The following RHCE variants were observed in gnomAD, a reference collection of about 807,000 sequenced individuals.
RHCE encodes Rh blood group CcEe antigens.
A neutral mutation model predicts 43.8 loss-of-function variants in RHCE; 22 were observed. The observed-to-expected ratio is 0.50, with a 90% CI of 0.36 to 0.72. RHCE has a LOEUF of 0.72. Among genes scored for constraint, RHCE ranks in the 30% least tolerant of loss-of-function variants. The probability of loss-of-function intolerance (pLI) is 0.00; values close to 1 mark genes in which losing one functional copy is unlikely to be tolerated. For missense variants in RHCE, 385 were observed against 525.4 expected (o/e 0.73, Z 2.61); for synonymous variants, 156 against 210.7 (o/e 0.74, Z 2.25).
At chr1:25,368,748 T>C (rs1468358334) in intron 9 of RHCE, among the ~76,000 whole-genome samples, 2 of 150,148 alleles carry the variant, frequency 1.3e-5, no homozygotes, top group Admixed American at 1.3e-4. Context: ...TACAACACTT[T>C]AAATATGTAC....
chr1:25,385,442 C>T, intron 7 of RHCE: 1 of 527,438 alleles, frequency 1.9e-6, no homozygotes, highest in South Asian at 1.8e-5. Context: ...TTGACCTGCT[C>T]TGTGTTTGTG....
chr1:25,394,088 A>C (rs1646466216), intron 3 of RHCE, among the ~76,000 whole-genome samples: 1 of 152,100 alleles, frequency 6.6e-6, no homozygotes, highest in South Asian at 2.1e-4. Context: ...CACTGGGTTC[A>C]AGCGATTCTC....
At chr1:25,423,266 G>T (rs2042780596), upstream of RHCE, among the ~76,000 whole-genome samples, 1 of 152,152 alleles carries the variant, frequency 6.6e-6, no homozygotes, top group Non-Finnish European at 1.5e-5. Flanking sequence ...CTGCACAGTG[G>T]GATAAAGGGA....
chr1:25,428,539 A>C (rs546244703), intron 2 of RHCE, among the ~76,000 whole-genome samples: 1 of 152,346 alleles, frequency 6.6e-6, no homozygotes, highest in African/African-American at 2.4e-5. Flanking sequence ...TGATCAATAT[A>C]CTGAAGTAGA....
At chr1:25,407,281 A>T (rs1646949369) in intron 2 of RHCE, among the ~76,000 whole-genome samples, 1 of 122,580 alleles carries the variant, frequency 8.2e-6, no homozygotes, top group Admixed American at 8.9e-5. Flanking sequence ...GCCAGTCAGG[A>T]GCTGGCTAGA....
rs146959263 is a variant in RHCE at position 25,369,282 on chromosome 1, G to C, written c.1227+1185C>G. On this transcript the variant is annotated intron_variant, in intron 9 of 9. Transcript: ENST00000294413. Reference sequence around the variant, plus strand: ...TGGATGCTGGGTGGGGCAAGCATTGGCCTGGGACTCAGAAGGCCTGGGTTC... The same window carrying C: ...TGGATGCTGGGTGGGGCAAGCATTGCCCTGGGACTCAGAAGGCCTGGGTTC... 2.6e-3 allele frequency among the ~76,000 whole-genome samples: 396 copies of C among 151,642 alleles called. 15 individuals carry two copies. Among genetic ancestry groups the C allele is most frequent in the African/African-American group, 9.3e-3 (381 of 41,034 alleles).
chr1:25,426,393 T>G (rs2042805279), intron 2 of RHCE, among the ~76,000 whole-genome samples: 2 of 152,190 alleles, frequency 1.3e-5, no homozygotes, highest in African/African-American at 4.8e-5. Context: ...TCATAAGCAG[T>G]TTCCAAGCCA....
chr1:25,401,615 A>C, intron 3 of RHCE, among the ~76,000 whole-genome samples: 1 of 152,186 alleles, frequency 6.6e-6, no homozygotes, highest in East Asian at 1.9e-4. Flanking sequence ...GGCTCTCCCA[A>C]TGAGAGGACA....
Position 25,376,901 on chromosome 1 carries a change from A to G in RHCE, c.1074-1473T>C, listed in dbSNP as rs569666631. Among the ~76,000 whole-genome samples, 31 of 152,006 alleles carry G rather than the reference A, an allele frequency of 2.0e-4. No homozygotes were observed. In the East Asian group the frequency reaches 2.1e-3, roughly 10 times the overall value. ...TGCACTCCAGCCTGGGCAACAGAGC[A>G]AGACTCCATCTCAAAAAAAAAAGAG... is the stretch of plus-strand genomic sequence containing the variant. On this transcript the variant is annotated intron_variant, in intron 7 of 9. Coordinates refer to ENST00000294413, the MANE Select transcript of RHCE (RefSeq NM_020485.8).
chr1:25,409,889 G>A (rs1304820725), intron 1 of RHCE, among the ~76,000 whole-genome samples: 1 of 151,572 alleles, frequency 6.6e-6, no homozygotes, highest in African/African-American at 2.4e-5. Flanking sequence ...GGTGGGTAGA[G>A]CTAAGATTTT....
upstream of RHCE, among the ~76,000 whole-genome samples, chr1:25,425,129 A>G (rs990364724): frequency 6.6e-6 from 1 of 152,132 alleles, no homozygotes; most frequent in African/African-American, 2.4e-5. Context: ...GTATTTGTTC[A>G]TTATCTGCTT....
chr1:25,379,493 ATATTTTTTTTTTTTTTTTT>A (rs1645925197), intron 7 of RHCE, among the ~76,000 whole-genome samples: 1 of 17,906 alleles, frequency 5.6e-5, no homozygotes, highest in African/African-American at 5.0e-4. Context: ...ATATATATAT[ATATTTTTTTTTTTTTTTTT>A]TTTTTTTTTA....
At chr1:25,402,202 G>GTCTATCTA (rs1334174215) in intron 3 of RHCE, among the ~76,000 whole-genome samples, 150 of 118,440 alleles carry the variant, frequency 1.3e-3, no homozygotes, top group African/African-American at 3.1e-3. Flanking sequence ...CTGTCTGTCT[G>GTCTATCTA]TCTGTCTATC....
At chr1:25,421,062 A>G (rs1418290065), upstream of RHCE, 1 of 450,194 alleles carries the variant, frequency 2.2e-6, no homozygotes, top group African/African-American at 2.0e-5. Flanking sequence ...AGTTTGAAAG[A>G]GGGCATTCTA....
chr1:25,390,237 G>A (rs922529762), intron 5 of RHCE, among the ~76,000 whole-genome samples: 2 of 152,148 alleles, frequency 1.3e-5, no homozygotes, highest in Non-Finnish European at 1.5e-5. Context: ...TTTACTCCCC[G>A]TTAAGCACTT....
upstream of RHCE, among the ~76,000 whole-genome samples, chr1:25,425,046 A>C (rs2042794716): frequency 6.6e-6 from 1 of 151,972 alleles, no homozygotes; most frequent in Non-Finnish European, 1.5e-5. Context: ...CGAACTCCTG[A>C]CCTCAGGTGA....
chr1:25,388,828 G>A lies in RHCE; in HGVS notation c.939+148C>T, dbSNP rs1011373146. 4 of 1,351,710 alleles carry A rather than the reference G, an allele frequency of 3.0e-6. No homozygotes were observed. The East Asian group carries it at 9.9e-5, about 33-fold the overall frequency. The allele number at this position is 1,351,710 out of a possible 1,614,324, so 83.7% of individuals were successfully genotyped here. On this transcript the variant is annotated intron_variant, in intron 6 of 9. Coordinates refer to ENST00000294413, the MANE Select transcript of RHCE (RefSeq NM_020485.8). ...CTTAACAAATGTGCCACCGAGCCAG[G>A]ATGGATCCCTCGCTAGGCGTTGAAG...
chr1:25,377,761 T>A (rs1261945978), intron 7 of RHCE, among the ~76,000 whole-genome samples: 2 of 152,138 alleles, frequency 1.3e-5, no homozygotes, highest in East Asian at 3.9e-4. Flanking sequence ...AAAAATTCGG[T>A]GGGCATGGTG....
At chr1:25,412,712 TTTTAAAA>T (rs1398502204) in intron 1 of RHCE, among the ~76,000 whole-genome samples, 1 of 124,818 alleles carries the variant, frequency 8.0e-6, no homozygotes, top group Non-Finnish European at 1.6e-5. Context: ...GAGACCCTTT[TTTTAAAA>T]AAAAAAAAAA....
Sources: gnomAD v4.1 joint callset for allele counts (sites outside exome capture counted in the v4.1 genomes callset) on GRCh38, gnomAD v4.1.1 for gene constraint, MANE v1.5 for transcripts, NCBI Gene and HGNC (gene_info 2026-07-23, HGNC 2026-07-21) for gene names.